Variants in LRCH3 observed in about 807,000 individuals in gnomAD.
The protein encoded by LRCH3 is leucine rich repeats and calponin homology domain containing 3.
A neutral mutation model predicts 104.5 loss-of-function variants in LRCH3; 68 were observed. The observed-to-expected ratio is 0.65, with a 90% CI of 0.54 to 0.80. The LOEUF is 0.80. LRCH3 is among the 30% of genes least tolerant of loss of function. LRCH3 has a pLI of 0.00. For missense variants in LRCH3, 951 were observed against 953.9 expected (o/e 1.00, Z 0.04); for synonymous variants, 344 against 361.3 (o/e 0.95, Z 0.54).
intron 20 of LRCH3, chr3:197,880,631 G>T: frequency 6.5e-7 from 1 of 1,536,734 alleles, no homozygotes; most frequent in Non-Finnish European, 8.7e-7. Flanking sequence ...GTCTCTCTCT[G>T]CAGCTTCTGG....
chr3:197,807,464 G>C (rs996570564), intron 1 of LRCH3, among the ~76,000 whole-genome samples: 2 of 151,776 alleles, frequency 1.3e-5, no homozygotes, highest in African/African-American at 4.8e-5. Context: ...CCTGTGATCC[G>C]CCCGCCTTGG....
At chr3:197,804,563 A>T (rs1176901931) in intron 1 of LRCH3, among the ~76,000 whole-genome samples, 3 of 152,160 alleles carry the variant, frequency 2.0e-5, no homozygotes, top group African/African-American at 7.2e-5. Context: ...TATCCTGAGG[A>T]CTGGGGCTTT....
rs185782781 is a variant in LRCH3, at chr3:197,870,452, G to A, written c.1992+174G>A. ...ATGATCCTGGCTCACTGCAGCCTAT[G>A]CCTCGTGGGTTCAAGCAATTCTTCT... On this transcript the variant is annotated intron_variant, in intron 18 of 20. Transcript: ENST00000425562. Among the ~76,000 whole-genome samples, 46 of 152,214 alleles carry A rather than the reference G, an allele frequency of 3.0e-4. 1 individual carries two copies. The highest frequency in any genetic ancestry group is 2.0e-3 in the Admixed American group (31 of 15,290).
chr3:197,846,099 G>T (rs990124810), intron 10 of LRCH3, among the ~76,000 whole-genome samples: 1 of 151,872 alleles, frequency 6.6e-6, no homozygotes, highest in Non-Finnish European at 1.5e-5. Flanking sequence ...GTTAATTCCT[G>T]TTACTCTAAA....
rs1740017601 is a variant in LRCH3 at position 197,854,536 on chromosome 3, A to G, written c.1644+91A>G. 1 of 1,171,214 alleles carries G rather than the reference A, an allele frequency of 8.5e-7. No homozygotes were observed. The highest frequency in any genetic ancestry group is 2.3e-5 in the East Asian group (1 of 42,554). 72.6% of individuals were successfully genotyped at this position (1,171,214 alleles called of 1,614,324 possible). A position where few individuals can be genotyped will look rare whatever the true frequency, so the allele number is the denominator to read the frequency against. ...AACTATCTAAATACCATAAAACATG[A>G]TGAACATCATTACTAAATGCTTTAT... On this transcript the variant is annotated intron_variant, in intron 14 of 20. Transcript: ENST00000425562. The surrounding 1 kb of genome is among the most constrained non-coding windows in gnomAD (Gnocchi z 4.5).
At chr3:197,808,654 G>A (rs186054786) in intron 1 of LRCH3, among the ~76,000 whole-genome samples, 1 of 152,290 alleles carries the variant, frequency 6.6e-6, no homozygotes, top group Non-Finnish European at 1.5e-5. Context: ...GCTCATGCCT[G>A]TAATTGAAAC....
At chr3:197,838,007 C>A (rs1391934225) in intron 9 of LRCH3, among the ~76,000 whole-genome samples, 1 of 151,988 alleles carries the variant, frequency 6.6e-6, no homozygotes, top group Non-Finnish European at 1.5e-5. Context: ...TTGCAGTGAG[C>A]CGAGATTGTG....
chr3:197,810,942 T>A lies in LRCH3; in HGVS notation c.263-3966T>A, dbSNP rs1733053944. 6.6e-6 allele frequency among the ~76,000 whole-genome samples: 1 copy of A among 152,208 alleles called. No individual in the cohort carries two copies. The highest frequency in any genetic ancestry group is 6.5e-5 in the Admixed American group (1 of 15,282). Reference sequence around the variant, plus strand: ...TGTTTTGTGATCTCCCTGGGTTACATAATTAATATTAATAGCTAAAATGAT... The same window carrying A: ...TGTTTTGTGATCTCCCTGGGTTACAAAATTAATATTAATAGCTAAAATGAT... On this transcript the variant is annotated intron_variant, in intron 1 of 20. Coordinates refer to ENST00000425562, the MANE Select transcript of LRCH3 (RefSeq NM_001365715.1). The surrounding 1 kb of genome is among the most constrained non-coding windows in gnomAD (Gnocchi z 4.0).
chr3:197,879,957 T>TG (rs1200398324), intron 20 of LRCH3, among the ~76,000 whole-genome samples: 3,030 of 144,502 alleles, frequency 0.021, 98 homozygotes, highest in African/African-American at 0.079. Flanking sequence ...ATTTTTTTTT[T>TG]TTTTTTGAGA....
Position 197,835,757 on chromosome 3 carries a change from C to G in LRCH3, c.1186C>G (p.Pro396Ala). ...GGCCGAGGTGAGACAGCCCAAGGGA[C>G]CAGACCCAGACAGCCTTAGTTCACA... ...EEAEVRQPKG[P>A]DPDSLSSQFM... The change falls in exon 9 of 21, where the codon CCA becomes GCA. Residue 396 changes from proline to alanine, a missense_variant. Physicochemically the swap from Pro to Ala is conservative, Grantham distance 27 (BLOSUM62 -1). Transcript: ENST00000425562. 6.2e-7 allele frequency: 1 copy of G among 1,613,980 alleles called. No homozygotes were observed.
chr3:197,805,240 T>C (rs1330088259), intron 1 of LRCH3, among the ~76,000 whole-genome samples: 1 of 152,156 alleles, frequency 6.6e-6, no homozygotes, highest in Non-Finnish European at 1.5e-5. Flanking sequence ...TTGCTTTTCC[T>C]GAGGGGCAAA....
At chr3:197,878,474 T>G (rs1224998108) in intron 20 of LRCH3, among the ~76,000 whole-genome samples, 1 of 152,196 alleles carries the variant, frequency 6.6e-6, no homozygotes, top group Admixed American at 6.5e-5. Context: ...AATACAGTTT[T>G]AAAAGACTGG....
At chr3:197,838,237 T>C (rs1218559979) in intron 9 of LRCH3, among the ~76,000 whole-genome samples, 8 of 152,224 alleles carry the variant, frequency 5.3e-5, no homozygotes, top group Non-Finnish European at 1.2e-4. Flanking sequence ...CTGGGCCACA[T>C]AGCGACACTC....
intron 1 of LRCH3, among the ~76,000 whole-genome samples, chr3:197,803,612 C>T (rs1477115925): frequency 2.6e-5 from 4 of 151,648 alleles, no homozygotes; most frequent in African/African-American, 9.7e-5. Context: ...TTGCAGTGAG[C>T]TGAGATTGCA....
At position 197,804,087 on chromosome 3, in the gene LRCH3, A is replaced by G. The variant is rs140169422; in HGVS notation, c.263-10821A>G. Among the ~76,000 whole-genome samples, 1,250 of 152,216 alleles carry G rather than the reference A, an allele frequency of 8.2e-3. 14 individuals are homozygous for G. The highest frequency in any genetic ancestry group is 0.028 in the African/African-American group (1,178 of 41,524). On this transcript the variant is annotated intron_variant, in intron 1 of 20. Transcript: ENST00000425562. Reference sequence around the variant, plus strand: ...AGCCTGACCAACATGGTGAAACCCCATCTCTACCAAAAAATACAAAAATTA... The same window carrying G: ...AGCCTGACCAACATGGTGAAACCCCGTCTCTACCAAAAAATACAAAAATTA...
At position 197,826,860 on chromosome 3, in the gene LRCH3, CA is replaced by C; in HGVS notation, c.641-17del. On this transcript the variant is annotated splice_polypyrimidine_tract_variant and intron_variant, in intron 4 of 20. Transcript: ENST00000425562. ...TAAAACATCATTAATTGTTCATTTC[CA>C]TTTTACCTTCTTGCAGAGCTGGCGG... 6.2e-7 allele frequency: 1 copy of C among 1,613,774 alleles called. No individual in the cohort carries two copies. Among genetic ancestry groups the C allele is most frequent in the Non-Finnish European group, 8.5e-7 (1 of 1,179,820 alleles).
intron 4 of LRCH3, among the ~76,000 whole-genome samples, chr3:197,822,537 C>A (rs1239886439): frequency 6.6e-6 from 1 of 152,148 alleles, no homozygotes; most frequent in African/African-American, 2.4e-5. Flanking sequence ...AGACTGCTGA[C>A]AAAATGGTTT....
At chr3:197,861,807 AAG>A (rs1306460366) in intron 15 of LRCH3, among the ~76,000 whole-genome samples, 1 of 151,998 alleles carries the variant, frequency 6.6e-6, no homozygotes, top group Non-Finnish European at 1.5e-5. Flanking sequence ...CCAGTTTTCC[AAG>A]AGTTCCCAAA....
In LRCH3 at chr3:197,815,038, A is replaced by G. The variant is rs897145781; in HGVS notation, c.393A>G (p.Thr131=). 2 of 1,492,816 alleles carry G rather than the reference A, an allele frequency of 1.3e-6. No homozygotes were observed. The highest frequency in any genetic ancestry group is 1.8e-6 in the Non-Finnish European group (2 of 1,097,534). 92.5% of individuals were successfully genotyped at this position (1,492,816 alleles called of 1,614,324 possible). A position where few individuals can be genotyped will look rare whatever the true frequency, so the allele number is the denominator to read the frequency against. The change falls in exon 2 of 21, where the codon ACA becomes ACG. Residue 131 remains threonine, a synonymous_variant. Transcript: ENST00000425562. ...CAATTTTAAACCTACAAGCTCTAAC[A>G]TTCTTAAATATTAGGTAAGAATATT... ...PEAILNLQAL[T]FLNISRNQLS... is the part of the protein sequence containing the mutation.
Sources: gnomAD v4.1 joint callset for allele counts (sites outside exome capture counted in the v4.1 genomes callset) on GRCh38, gnomAD v4.1.1 for gene constraint, Gnocchi (gnomAD v3.1) non-coding constraint, MANE v1.5 for transcripts, NCBI Gene and HGNC (gene_info 2026-07-23, HGNC 2026-07-21) for gene names.